FYCO1: variants seen among roughly 807,000 people sequenced by gnomAD.
FYCO1 encodes FYVE and coiled-coil domain autophagy adaptor 1.
In FYCO1, 122 loss-of-function variants were observed where a neutral mutation model predicts 165.1. The ratio of observed to expected loss-of-function variants is 0.74; its 90% CI spans 0.64 to 0.86. FYCO1 has a LOEUF of 0.86. FYCO1 is among the 40% of genes least tolerant of loss of function. The probability of loss-of-function intolerance (pLI) is 0.00; values close to 1 mark genes in which losing one functional copy is unlikely to be tolerated. For synonymous variants in FYCO1, 648 were observed against 742.5 expected (o/e 0.87, Z 2.07); for missense variants, 1,702 against 1,810.3 (o/e 0.94, Z 1.09).
At chr3:45,958,880 G>A (rs770700475) in intron 12 of FYCO1, among the ~76,000 whole-genome samples, 1 of 152,246 alleles carries the variant, frequency 6.6e-6, no homozygotes, top group Non-Finnish European at 1.5e-5. Context: ...CTGGCACCAA[G>A]TTGTAGGTAT....
chr3:45,936,231 C>T (rs141907188), intron 15 of FYCO1, among the ~76,000 whole-genome samples: 8 of 152,218 alleles, frequency 5.3e-5, no homozygotes, highest in South Asian at 2.1e-4. Flanking sequence ...ATCTTAATTG[C>T]GGTAGTGATC....
At chr3:45,946,427 G>A (rs1704608774) in intron 14 of FYCO1, 2 of 1,495,794 alleles carry the variant, frequency 1.3e-6, no homozygotes, top group African/African-American at 2.8e-5. Context: ...GCCATCCTCA[G>A]CCCCAAATAT....
chr3:45,943,963 T>A (rs1297127890), intron 14 of FYCO1, among the ~76,000 whole-genome samples: 2 of 152,218 alleles, frequency 1.3e-5, no homozygotes, highest in East Asian at 1.9e-4. Context: ...GTAGAAACTT[T>A]GAAAACTATT....
rs201908805 is a variant in FYCO1, at chr3:45,973,210, G to A, written c.417C>T (p.Ser139=). 4.7e-5 allele frequency: 76 copies of A among 1,614,020 alleles called. No individual in the cohort carries two copies. The highest frequency in any genetic ancestry group is 6.4e-5 in the Non-Finnish European group (75 of 1,179,994). The change falls in exon 6 of 18, where the codon AGC becomes AGT. Residue 139 remains serine (S), a synonymous_variant. Coordinates refer to ENST00000296137, the MANE Select transcript of FYCO1 (RefSeq NM_024513.4). Reference sequence around the variant, plus strand: ...AGCTCAGCTTTGGCTGCAGAAAGGGGCTTCTTGCATAGTACCAGTCACTGC... The same window carrying A: ...AGCTCAGCTTTGGCTGCAGAAAGGGACTTCTTGCATAGTACCAGTCACTGC... The part of the protein sequence containing the change: ...KVTSDWYYAR[S]PFLQPKLSSD...
Position 45,962,224 on chromosome 3 carries a change from C to T in FYCO1, c.3437+1G>A, listed in dbSNP as rs1037959883. 1.2e-6 allele frequency: 2 copies of T among 1,614,130 alleles called. No homozygotes were observed. Among genetic ancestry groups the T allele is most frequent in the East Asian group, 2.2e-5 (1 of 44,886 alleles). ...AGCTGCTGGTTTGACACAGCACTCA[C>T]CTGAGCAGCTCTATCAGCCGCTCCT... On this transcript the variant is annotated splice_donor_variant, in intron 11 of 17. Coordinates refer to ENST00000296137, the MANE Select transcript of FYCO1 (RefSeq NM_024513.4). LOFTEE classifies it high-confidence loss of function. This position sits in a 1 kb window ranked among gnomAD's most constrained non-coding sequence, Gnocchi z 4.4.
chr3:45,946,439 A>T (rs1704610202), intron 14 of FYCO1: 1 of 1,544,274 alleles, frequency 6.5e-7, no homozygotes, highest in African/African-American at 1.4e-5. Context: ...CCCAAATATA[A>T]TTCCTGGGTT....
At chr3:45,978,925 C>T (rs1337969541) in intron 4 of FYCO1, among the ~76,000 whole-genome samples, 4 of 149,024 alleles carry the variant, frequency 2.7e-5, no homozygotes, top group African/African-American at 7.4e-5. Context: ...GGCGCGATCT[C>T]GGCTCACTGC....
At chr3:45,976,325 G>A (rs1706755629) in intron 4 of FYCO1, among the ~76,000 whole-genome samples, 1 of 152,246 alleles carries the variant, frequency 6.6e-6, no homozygotes, top group Non-Finnish European at 1.5e-5. Flanking sequence ...CTGCCATGAG[G>A]CTGCAAAGCA....
intron 11 of FYCO1, among the ~76,000 whole-genome samples, chr3:45,959,772 C>A (rs1705583662): frequency 6.6e-6 from 1 of 152,186 alleles, no homozygotes; most frequent in Non-Finnish European, 1.5e-5. Flanking sequence ...AAGATGTACA[C>A]AGAAGGCACT....
chr3:45,931,425 T>A, intron 15 of FYCO1, 144 bp from the exon 16 acceptor site: 1 of 738,272 alleles, frequency 1.4e-6, no homozygotes, highest in Non-Finnish European at 2.4e-6. Flanking sequence ...CCAACATGCT[T>A]AATTATGGGA....
At chr3:45,979,027 T>C (rs887754473) in intron 4 of FYCO1, among the ~76,000 whole-genome samples, 3 of 151,848 alleles carry the variant, frequency 2.0e-5, no homozygotes, top group Non-Finnish European at 4.4e-5. Flanking sequence ...TGGCTAATTT[T>C]TTTGTGTGTT....
rs574877554 is a variant in FYCO1, at chr3:45,952,181, C to T, written c.3944+3068G>A. On this transcript the variant is annotated intron_variant, in intron 14 of 17. Coordinates refer to ENST00000296137, the MANE Select transcript of FYCO1 (RefSeq NM_024513.4). Reference sequence around the variant, plus strand: ...GTAAGAGCAGCTGGTGCAAGGGAGGCGCTCAACAGCATCACTTTCAACAAC... The same window carrying T: ...GTAAGAGCAGCTGGTGCAAGGGAGGTGCTCAACAGCATCACTTTCAACAAC... Among the ~76,000 whole-genome samples, 26 of 152,338 alleles carry T rather than the reference C, an allele frequency of 1.7e-4. 1 individual carries two copies. Among genetic ancestry groups the T allele is most frequent in the Admixed American group, 7.8e-4 (12 of 15,308 alleles).
At chr3:45,947,785 A>C in intron 14 of FYCO1, 1 of 437,012 alleles carries the variant, frequency 2.3e-6, no homozygotes, top group African/African-American at 2.0e-5. Flanking sequence ...ATGACATGTG[A>C]CTCCTATGAT....
At chr3:45,942,707 C>A (rs985767885) in intron 14 of FYCO1, among the ~76,000 whole-genome samples, 7 of 152,208 alleles carry the variant, frequency 4.6e-5, no homozygotes, top group Non-Finnish European at 8.8e-5. Flanking sequence ...ATCATGGAGA[C>A]TGACAACTAG....
chr3:45,963,980 G>A (rs538003380), intron 10 of FYCO1, among the ~76,000 whole-genome samples: 15 of 152,196 alleles, frequency 9.9e-5, no homozygotes, highest in African/African-American at 3.1e-4. Context: ...AAACAGAGTC[G>A]GCCACGTTTT....
At chr3:45,959,348 G>A in intron 12 of FYCO1, 45 bp downstream of exon 12, 1 of 1,609,780 alleles carries the variant, frequency 6.2e-7, no homozygotes, top group Non-Finnish European at 8.5e-7. Flanking sequence ...TCTGGTCCTG[G>A]GCCCCACCAG....
chr3:45,990,296 A>G (rs1449671158), intron 1 of FYCO1, among the ~76,000 whole-genome samples: 1 of 152,246 alleles, frequency 6.6e-6, no homozygotes, highest in African/African-American at 2.4e-5. Flanking sequence ...AGCCGGGGCT[A>G]TAGCTGTGAA....
At chr3:45,988,274 C>A (rs184688212) in intron 1 of FYCO1, among the ~76,000 whole-genome samples, 1 of 152,146 alleles carries the variant, frequency 6.6e-6, no homozygotes, top group Non-Finnish European at 1.5e-5. Flanking sequence ...TCTTGCCCTC[C>A]TTGCTCCTCC....
chr3:45,921,823 AC>A lies in FYCO1; in HGVS notation c.4378del (p.Val1460TyrfsTer5). 1 of 1,611,686 alleles carries A rather than the reference AC, an allele frequency of 6.2e-7. No individual in the cohort carries two copies. Among genetic ancestry groups the A allele is most frequent in the Non-Finnish European group, 8.5e-7 (1 of 1,177,788 alleles). ...NTFSRFVSKK[V>X]FYHLTVDRPV... ...CCGATCAACCGTCAAGTGATAAAAT[AC>A]CTTTTTAGAGACAAACCTGAGGAAA... On this transcript the variant is annotated frameshift_variant, in exon 18 of 18. Transcript: ENST00000296137. LOFTEE classifies it high-confidence loss of function.
Sources: allele counts gnomAD v4.1 joint callset (sites outside exome capture counted in the v4.1 genomes callset), GRCh38; gene constraint gnomAD v4.1.1; non-coding constraint Gnocchi (gnomAD v3.1); transcripts MANE v1.5; gene names NCBI Gene and HGNC (gene_info 2026-07-23, HGNC 2026-07-21).